CAST: variants seen among roughly 807,000 people sequenced by gnomAD.
The protein encoded by CAST is MIR583 host.
A neutral mutation model predicts 119.6 loss-of-function variants in CAST; 76 were observed. That is an observed-to-expected ratio of 0.64 (90% confidence interval 0.53 to 0.77). CAST has a LOEUF of 0.77. Among genes scored for constraint, CAST ranks in the 30% least tolerant of loss-of-function variants. The pLI, the probability that CAST is intolerant of heterozygous loss-of-function variation, is 0.00. For missense variants in CAST, 953 were observed against 946.5 expected, an observed-to-expected ratio of 1.01 and a Z score of -0.09; for synonymous variants, 319 against 331.6, an observed-to-expected ratio of 0.96 and a Z score of 0.41.
chr5:96,649,479 A>G (rs1580858168), intron 1 of CAST, among the ~76,000 whole-genome samples: 2 of 152,176 alleles, frequency 1.3e-5, no homozygotes, highest in African/African-American at 2.4e-5. Context: ...CTTCTCGTAA[A>G]TATTTGAAGT....
chr5:96,003,913 G>A, the CAST span, among the ~76,000 whole-genome samples: 1 of 152,160 alleles, frequency 6.6e-6, no homozygotes, highest in Admixed American at 6.5e-5. Context: ...ATTATATTCA[G>A]GCGTTTTAAA....
At chr5:96,421,899 C>T in the CAST span, 1 of 1,552,932 alleles carries the variant, frequency 6.4e-7, no homozygotes. Context: ...TTTGTGGGAT[C>T]ATATCGGGGA....
chr5:96,292,011 T>G, the CAST span, among the ~76,000 whole-genome samples: 1 of 152,160 alleles, frequency 6.6e-6, no homozygotes, highest in African/African-American at 2.4e-5. Flanking sequence ...CCTAGAACAA[T>G]TCAGACTTTT....
chr5:96,079,826 A>G, the CAST span, among the ~76,000 whole-genome samples: 1 of 152,228 alleles, frequency 6.6e-6, no homozygotes, highest in African/African-American at 2.4e-5. Flanking sequence ...CAGCACAAAT[A>G]GCTTTATCCT....
At chr5:96,198,016 G>A in the CAST span, among the ~76,000 whole-genome samples, 1 of 152,166 alleles carries the variant, frequency 6.6e-6, no homozygotes, top group African/African-American at 2.4e-5. Context: ...AGCCTGCCTT[G>A]GCCTCCCAAT....
rs1303608491 is a variant in CAST at position 96,767,973 on chromosome 5, A to G, written c.2242A>G (p.Thr748Ala). The G allele has an allele frequency of 9.9e-6, 16 of 1,612,834 alleles. No individual in the cohort carries two copies. The highest frequency in any genetic ancestry group is 1.4e-5 in the Non-Finnish European group (16 of 1,179,062). ...AGATCTGGACAGCTGTCCCTCCACT[A>G]CAGAAACCTCACAGAACACAGCAAA... ...SGDLDSCPST[T>A]ETSQNTAKDK... Residue 748 changes from threonine to alanine, a missense_variant, in exon 29 of 32, where the codon ACA becomes GCA. Physicochemically the swap from Thr to Ala is moderately conservative, Grantham distance 58. Transcript: ENST00000675179.
At chr5:96,457,625 T>A in the CAST span, among the ~76,000 whole-genome samples, 1 of 152,226 alleles carries the variant, frequency 6.6e-6, no homozygotes, top group Non-Finnish European at 1.5e-5. Flanking sequence ...CCTGGCGTAG[T>A]CTTCTTCCCA....
chr5:96,014,918 C>T, the CAST span, among the ~76,000 whole-genome samples: 24 of 152,154 alleles, frequency 1.6e-4, 1 homozygote, highest in East Asian at 2.5e-3. Flanking sequence ...TCCAGGAGGA[C>T]GTTAAATGAT....
chr5:96,679,134 T>C (rs31247), intron 2 of CAST, among the ~76,000 whole-genome samples: 97,717 of 151,874 alleles, frequency 0.64, 33,112 homozygotes, highest in African/African-American at 0.85. Context: ...GCCAGGATTA[T>C]AAGTGTGAGC....
the CAST span, among the ~76,000 whole-genome samples, chr5:96,478,370 T>C: frequency 6.6e-6 from 1 of 152,242 alleles, no homozygotes; most frequent in Non-Finnish European, 1.5e-5. Flanking sequence ...CCACCGACAT[T>C]GTATGATGCA....
At chr5:96,416,142 A>T in the CAST span, 1 of 1,475,454 alleles carries the variant, frequency 6.8e-7, no homozygotes, top group South Asian at 1.1e-5. Context: ...AAAAATAAGA[A>T]TTATAAAACA....
intron 1 of CAST, among the ~76,000 whole-genome samples, chr5:96,632,973 G>C (rs998349512): frequency 6.6e-6 from 1 of 151,994 alleles, no homozygotes; most frequent in Non-Finnish European, 1.5e-5. Context: ...TTTTTGGTTT[G>C]TTTTGTTCTG....
the CAST span, among the ~76,000 whole-genome samples, chr5:96,048,743 G>A: frequency 1.3e-5 from 2 of 152,050 alleles, no homozygotes; most frequent in East Asian, 1.9e-4. Flanking sequence ...GGTGAACAGC[G>A]AAGGCTTTCA....
chr5:96,177,969 T>A, the CAST span, among the ~76,000 whole-genome samples: 1 of 152,222 alleles, frequency 6.6e-6, no homozygotes, highest in Admixed American at 6.5e-5. Context: ...TCAATTGACA[T>A]AAAATATATC....
chr5:96,170,565 T>C, the CAST span, among the ~76,000 whole-genome samples: 1 of 152,288 alleles, frequency 6.6e-6, no homozygotes, highest in African/African-American at 2.4e-5. Context: ...ATTTAATTTT[T>C]GGAGCTTTAT....
chr5:96,709,157 A>G (rs144630559), intron 3 of CAST, among the ~76,000 whole-genome samples: 2 of 152,320 alleles, frequency 1.3e-5, no homozygotes, highest in East Asian at 1.9e-4. Context: ...TTTCTCATGC[A>G]TATGCATTTT....
chr5:96,491,768 A>C, the CAST span, among the ~76,000 whole-genome samples: 1 of 152,178 alleles, frequency 6.6e-6, no homozygotes, highest in Non-Finnish European at 1.5e-5. Context: ...ATGTCTATCA[A>C]CAGTAGAATG....
At chr5:96,187,908 T>C in the CAST span, among the ~76,000 whole-genome samples, 2 of 152,202 alleles carry the variant, frequency 1.3e-5, no homozygotes, top group Non-Finnish European at 2.9e-5. Context: ...TGTGGGAATC[T>C]TAGCAGCTTA....
the CAST span, among the ~76,000 whole-genome samples, chr5:96,457,666 G>A: frequency 1.3e-5 from 2 of 152,246 alleles, no homozygotes; most frequent in South Asian, 4.1e-4. Context: ...AAATCTCTTG[G>A]CATTCTTGAC....
Sources: allele counts gnomAD v4.1 joint callset (sites outside exome capture counted in the v4.1 genomes callset), GRCh38; gene constraint gnomAD v4.1.1; transcripts MANE v1.5; gene names NCBI Gene and HGNC (gene_info 2026-07-23, HGNC 2026-07-21).